LRMDA: variants seen among roughly 807,000 people sequenced by gnomAD.
LRMDA encodes the protein leucine-rich melanocyte differentiation-associated protein.
Under a neutral mutation model 29.8 loss-of-function variants are expected in LRMDA, and 18 were observed. That is an observed-to-expected ratio of 0.60 (90% CI 0.42 to 0.90). The LOEUF is 0.90. Among genes scored for constraint, LRMDA ranks in the 40% least tolerant of loss-of-function variants. The pLI is 0.00. For synonymous variants in LRMDA, 125 were observed against 109.4 expected (o/e 1.14, Z -0.89); for missense variants, 273 against 273.9 (o/e 1.00, Z 0.02).
intron 6 of LRMDA, among the ~76,000 whole-genome samples, chr10:76,341,862 C>T (rs973697872): frequency 6.6e-6 from 1 of 152,106 alleles, no homozygotes; most frequent in Non-Finnish European, 1.5e-5. Flanking sequence ...AAGACCCAGG[C>T]AGAAATAATA....
intron 6 of LRMDA, among the ~76,000 whole-genome samples, chr10:76,350,572 A>C (rs1201444245): frequency 6.6e-6 from 1 of 151,856 alleles, no homozygotes; most frequent in African/African-American, 2.4e-5. Flanking sequence ...AAGAGGGAGG[A>C]ATATCAGGAA....
At chr10:76,412,524 T>C (rs935841877) in intron 6 of LRMDA, among the ~76,000 whole-genome samples, 15 of 152,160 alleles carry the variant, frequency 9.9e-5, no homozygotes, top group Admixed American at 5.2e-4. Flanking sequence ...AGAGTTCATC[T>C]CCTTTCTCTG....
chr10:75,593,285 G>A (rs935915700), intron 2 of LRMDA, among the ~76,000 whole-genome samples: 3 of 152,282 alleles, frequency 2.0e-5, no homozygotes, highest in Admixed American at 6.5e-5. Flanking sequence ...TCCAACTCAT[G>A]CTGCTCCGAA....
rs1839984617 is a variant in LRMDA at position 76,264,625 on chromosome 10, GGA to G, written c.517-59772_517-59771del. 5.3e-5 allele frequency among the ~76,000 whole-genome samples: 8 copies of G among 152,128 alleles called. No homozygotes were observed. In the South Asian group the frequency reaches 1.5e-3, roughly 28 times the overall value. On this transcript the variant is annotated intron_variant, in intron 5 of 6. Transcript: ENST00000611255. ...TCTTAAATTCCAGCTTTATCCCATAGGAGAGGTGCAGATTTCTATTTCTCATC... is the reference window on the plus strand; with the variant it reads ...TCTTAAATTCCAGCTTTATCCCATAGGAGGTGCAGATTTCTATTTCTCATC...
At chr10:76,374,991 C>A (rs1435950796) in intron 6 of LRMDA, among the ~76,000 whole-genome samples, 1 of 152,246 alleles carries the variant, frequency 6.6e-6, no homozygotes, top group East Asian at 1.9e-4. Flanking sequence ...AGATTTAGCT[C>A]ATCTATCTGC....
chr10:75,794,943 TC>T (rs1406698119), intron 2 of LRMDA, among the ~76,000 whole-genome samples: 1 of 104,276 alleles, frequency 9.6e-6, no homozygotes, highest in Non-Finnish European at 2.5e-5. Context: ...TACCTATTTA[TC>T]ATTTTTTTTT....
rs368198067 is a variant in LRMDA at position 76,091,130 on chromosome 10, T to C, written c.516+32347T>C. Among the ~76,000 whole-genome samples the C allele has an allele frequency of 3.3e-4, 50 of 152,326 alleles. No homozygotes were observed. The South Asian group carries it at 9.9e-3, about 30-fold the overall frequency. On this transcript the variant is annotated intron_variant, in intron 5 of 6. Transcript: ENST00000611255. ...AACAAATTAGTAAACACTGTAAGCC[T>C]GCTCTTCTCAACTGTGAAATAATAT... is the stretch of plus-strand genomic sequence containing the variant.
intron 2 of LRMDA, among the ~76,000 whole-genome samples, chr10:75,918,421 C>T (rs1460165956): frequency 6.6e-6 from 1 of 152,078 alleles, no homozygotes; most frequent in East Asian, 1.9e-4. Context: ...GGAGCGGGCA[C>T]ATCACGTGGG....
chr10:76,092,920 A>G (rs1389927660), intron 5 of LRMDA, among the ~76,000 whole-genome samples: 1 of 152,202 alleles, frequency 6.6e-6, no homozygotes, highest in Non-Finnish European at 1.5e-5. Context: ...ATTAGGACAT[A>G]AATACTTATT....
chr10:76,469,582 C>T (rs1038713279), intron 6 of LRMDA, among the ~76,000 whole-genome samples: 2 of 151,994 alleles, frequency 1.3e-5, no homozygotes, highest in African/African-American at 4.8e-5. Context: ...ACATAGAGCT[C>T]TGAAGCTCTG....
chr10:76,376,536 T>G (rs1166497159), intron 6 of LRMDA, among the ~76,000 whole-genome samples: 1 of 152,188 alleles, frequency 6.6e-6, no homozygotes, highest in Non-Finnish European at 1.5e-5. Context: ...AACATACAAG[T>G]GCAGGCAACT....
chr10:75,461,580 C>G (rs896819492), intron 2 of LRMDA, among the ~76,000 whole-genome samples: 2 of 152,148 alleles, frequency 1.3e-5, no homozygotes, highest in Non-Finnish European at 2.9e-5. Flanking sequence ...TAGGGAGAGT[C>G]TAAGGGTTGG....
chr10:75,840,753 T>A (rs2132300652), intron 2 of LRMDA, among the ~76,000 whole-genome samples: 1 of 152,378 alleles, frequency 6.6e-6, no homozygotes, highest in Non-Finnish European at 1.5e-5. Flanking sequence ...CAGTTGCGCC[T>A]TTCTTCATTC....
At chr10:75,998,087 G>A (rs148174703) in intron 2 of LRMDA, among the ~76,000 whole-genome samples, 17 of 152,314 alleles carry the variant, frequency 1.1e-4, no homozygotes, top group African/African-American at 3.6e-4. Flanking sequence ...ATGAGAATGC[G>A]AACAGGTAAC....
At chr10:75,978,485 G>T (rs1847111701) in intron 2 of LRMDA, among the ~76,000 whole-genome samples, 1 of 152,158 alleles carries the variant, frequency 6.6e-6, no homozygotes, top group African/African-American at 2.4e-5. Context: ...CATCTCATTG[G>T]CCAGAGTTTA....
chr10:76,322,819 A>G (rs1424411175), intron 5 of LRMDA, among the ~76,000 whole-genome samples: 1 of 152,114 alleles, frequency 6.6e-6, no homozygotes, highest in Non-Finnish European at 1.5e-5. Context: ...AGATCTAGGG[A>G]GGATGACCCC....
chr10:75,637,767 G>T (rs1014137019), intron 2 of LRMDA, among the ~76,000 whole-genome samples: 1 of 152,174 alleles, frequency 6.6e-6, no homozygotes, highest in Non-Finnish European at 1.5e-5. Flanking sequence ...GGTCTCAGCT[G>T]TCTTCCTAAT....
intron 5 of LRMDA, among the ~76,000 whole-genome samples, chr10:76,239,159 C>T (rs1425500019): frequency 6.6e-6 from 1 of 152,066 alleles, no homozygotes; most frequent in South Asian, 2.1e-4. Flanking sequence ...TGGTTCACTC[C>T]CTAGATAGTC....
intron 5 of LRMDA, among the ~76,000 whole-genome samples, chr10:76,218,074 A>G (rs986881990): frequency 6.6e-6 from 1 of 152,182 alleles, no homozygotes; most frequent in Non-Finnish European, 1.5e-5. Context: ...CAATCCAGGG[A>G]CATTCAGTGG....
Sources: gnomAD v4.1 joint callset for allele counts (sites outside exome capture counted in the v4.1 genomes callset) on GRCh38, gnomAD v4.1.1 for gene constraint, MANE v1.5 for transcripts, NCBI Gene and HGNC (gene_info 2026-07-23, HGNC 2026-07-21) for gene names.